SYN2: variants seen among roughly 807,000 people sequenced by gnomAD.
The protein encoded by SYN2 is synapsin-2.
In SYN2, 19 loss-of-function variants were observed where a neutral mutation model predicts 50.9. That is an observed-to-expected ratio of 0.37 (90% CI 0.26 to 0.55). SYN2 has a LOEUF of 0.55. SYN2 is among the 20% of genes least tolerant of loss of function. The pLI, the probability that SYN2 is intolerant of heterozygous loss-of-function variation, is 0.81. For synonymous variants in SYN2, 255 were observed against 224.9 expected, an observed-to-expected ratio of 1.13 and a Z score of -1.20; for missense variants, 587 against 576.4, an observed-to-expected ratio of 1.02 and a Z score of -0.19.
At chr3:12,164,627 G>A (rs1697734984) in intron 7 of SYN2, among the ~76,000 whole-genome samples, 1 of 152,230 alleles carries the variant, frequency 6.6e-6, no homozygotes, top group African/African-American at 2.4e-5. Context: ...TCCATCTGCA[G>A]TAGGCAATAA....
chr3:12,136,464 A>G (rs1410128629), intron 1 of SYN2, among the ~76,000 whole-genome samples: 2 of 152,210 alleles, frequency 1.3e-5, no homozygotes, highest in African/African-American at 2.4e-5. Flanking sequence ...AAAGTGGTAG[A>G]AGTAGGCCTG....
At chr3:12,178,280 C>T (rs1286379023) in intron 10 of SYN2, among the ~76,000 whole-genome samples, 1 of 152,184 alleles carries the variant, frequency 6.6e-6, no homozygotes. Context: ...AAGCACAGGC[C>T]TTCCTCCTTG....
Position 12,093,323 on chromosome 3 carries a change from G to A in SYN2, c.378-47328G>A, listed in dbSNP as rs557540569. On this transcript the variant is annotated intron_variant, in intron 1 of 12. Transcript: ENST00000621198. ...AAAGAAAACTGTGGACATAGGAATG[G>A]TATCATTTGTCAGTGTAAGCTGCAA... Among the ~76,000 whole-genome samples, 40 of 152,214 alleles carry A rather than the reference G, an allele frequency of 2.6e-4. No homozygotes were observed. In the South Asian group the frequency reaches 7.9e-3, roughly 30 times the overall value.
chr3:12,142,128 A>G, intron 3 of SYN2, 132 bp downstream of exon 3: 1 of 607,990 alleles, frequency 1.6e-6, no homozygotes, highest in Non-Finnish European at 3.0e-6. Context: ...GAATTTAATG[A>G]TGTGAGTTGT....
chr3:12,075,665 A>G (rs973273534), intron 1 of SYN2, among the ~76,000 whole-genome samples: 7 of 152,272 alleles, frequency 4.6e-5, no homozygotes, highest in South Asian at 2.1e-4. Context: ...CTTCCCTGAT[A>G]ATAAATTCCT....
At chr3:12,153,663 C>G in intron 5 of SYN2, 1 of 1,614,204 alleles carries the variant, frequency 6.2e-7, no homozygotes, top group Non-Finnish European at 8.5e-7. Flanking sequence ...TGTCCAGAGG[C>G]ACTCGTTAGG....
At chr3:12,124,380 G>A (rs1481867) in intron 1 of SYN2, among the ~76,000 whole-genome samples, 12,005 of 152,220 alleles carry the variant, frequency 0.079, 574 homozygotes, top group African/African-American at 0.13. Context: ...TTAAAGTTAT[G>A]TTTAGGTAAG....
intron 1 of SYN2, among the ~76,000 whole-genome samples, chr3:12,080,057 C>T (rs1425244719): frequency 6.6e-6 from 1 of 152,006 alleles, no homozygotes; most frequent in Non-Finnish European, 1.5e-5. Flanking sequence ...AGGAATTTAT[C>T]AATTTCTTCT....
chr3:12,029,760 G>A (rs1432059430), intron 1 of SYN2, among the ~76,000 whole-genome samples: 1 of 47,280 alleles, frequency 2.1e-5, no homozygotes, highest in Non-Finnish European at 3.5e-5. Flanking sequence ...TTGCTTATCA[G>A]CTTAAGGAGA....
chr3:12,020,566 G>A (rs527498617), intron 1 of SYN2, among the ~76,000 whole-genome samples: 3 of 152,198 alleles, frequency 2.0e-5, no homozygotes, highest in African/African-American at 7.2e-5. Flanking sequence ...AGACCCTTAG[G>A]AGAAAGATCT....
intron 1 of SYN2, among the ~76,000 whole-genome samples, chr3:12,124,758 C>T (rs1446721399): frequency 6.6e-6 from 1 of 151,876 alleles, no homozygotes; most frequent in Non-Finnish European, 1.5e-5. Context: ...ATTCAGTCTA[C>T]GGATATATAC....
At chr3:12,104,978 A>G (rs1261116620) in intron 1 of SYN2, among the ~76,000 whole-genome samples, 3 of 152,212 alleles carry the variant, frequency 2.0e-5, no homozygotes, top group Non-Finnish European at 2.9e-5. Flanking sequence ...TTTCTTGAGC[A>G]TTAGTAGCGC....
chr3:12,184,528 A>G, intron 11 of SYN2: 1 of 985,924 alleles, frequency 1.0e-6, no homozygotes, highest in Non-Finnish European at 1.2e-6. Flanking sequence ...GAGTGGGTAC[A>G]CTGCCTACAG....
intron 1 of SYN2, among the ~76,000 whole-genome samples, chr3:12,139,542 A>T (rs1318052507): frequency 2.0e-5 from 3 of 152,164 alleles, no homozygotes; most frequent in Non-Finnish European, 4.4e-5. Context: ...TCAATTCTGA[A>T]TCTTGGTTTC....
In SYN2 at chr3:12,177,632, A is replaced by C. The variant is rs372596360; in HGVS notation, c.1309-5680A>C. On this transcript the variant is annotated intron_variant, in intron 10 of 12. Transcript: ENST00000621198. Reference sequence around the variant, plus strand: ...TGCTTCCCACAGCAGGAATGGCTTTAGCAAATTTCTTCCCCAGTGAGTATA... The same window carrying C: ...TGCTTCCCACAGCAGGAATGGCTTTCGCAAATTTCTTCCCCAGTGAGTATA... Among the ~76,000 whole-genome samples the C allele has an allele frequency of 2.0e-4, 31 of 152,332 alleles. No individual in the cohort carries two copies. In the East Asian group the frequency reaches 3.3e-3, roughly 16 times the overall value.
intron 1 of SYN2, chr3:12,071,582 T>A (rs1323362939): frequency 2.8e-6 from 1 of 352,938 alleles, no homozygotes; most frequent in East Asian, 7.3e-5. Context: ...CCCTTGGTAT[T>A]TGTAGAATGC....
At chr3:12,153,059 C>T (rs1697348393) in intron 5 of SYN2, 1 of 230,894 alleles carries the variant, frequency 4.3e-6, no homozygotes, top group Admixed American at 4.9e-5. Flanking sequence ...GATACACAGC[C>T]ACAGTATGTT....
intron 1 of SYN2, among the ~76,000 whole-genome samples, chr3:12,104,104 C>A (rs307555): frequency 0.93 from 141,044 of 152,260 alleles, 65,376 homozygotes; most frequent in East Asian, 1. Flanking sequence ...AGTTACATTA[C>A]TGTCAGACTA....
chr3:12,178,409 G>A (rs567379030), intron 10 of SYN2, among the ~76,000 whole-genome samples: 9 of 152,282 alleles, frequency 5.9e-5, no homozygotes, highest in Admixed American at 6.5e-5. Flanking sequence ...CTTGTCTGCC[G>A]AAAGCCACAG....
Sources: allele counts gnomAD v4.1 joint callset (sites outside exome capture counted in the v4.1 genomes callset), GRCh38; gene constraint gnomAD v4.1.1; transcripts MANE v1.5; gene names NCBI Gene and HGNC (gene_info 2026-07-23, HGNC 2026-07-21).